The following PLCL1 variants were observed in gnomAD, a reference collection of about 807,000 sequenced individuals.
PLCL1 encodes inactive phospholipase C-like protein 1.
In PLCL1, 41 loss-of-function variants were observed where a neutral mutation model predicts 84.4. That is an observed-to-expected ratio of 0.49 (90% CI 0.38 to 0.63). PLCL1 has a LOEUF of 0.63. PLCL1 is among the 30% of genes least tolerant of loss of function. PLCL1 has a pLI of 0.00. For missense variants in PLCL1, 1,206 were observed against 1,367.8 expected, an observed-to-expected ratio of 0.88 and a Z score of 1.87; for synonymous variants, 490 against 488.3, an observed-to-expected ratio of 1.00 and a Z score of -0.05.
intron 1 of PLCL1, among the ~76,000 whole-genome samples, chr2:197,888,057 A>G (rs1361690233): frequency 6.6e-6 from 1 of 151,112 alleles, no homozygotes; most frequent in East Asian, 1.9e-4. Flanking sequence ...GTGCCACTGG[A>G]CTCTAGCCTG....
chr2:197,831,611 C>T (rs759628846), intron 1 of PLCL1, among the ~76,000 whole-genome samples: 5 of 152,072 alleles, frequency 3.3e-5, no homozygotes, highest in South Asian at 2.1e-4. Context: ...AACAGATCAA[C>T]GAGACAGAAA....
intron 1 of PLCL1, among the ~76,000 whole-genome samples, chr2:197,937,257 G>T (rs1447899619): frequency 1.3e-5 from 2 of 152,080 alleles, no homozygotes; most frequent in Non-Finnish European, 2.9e-5. Context: ...TTGCTATTTG[G>T]GGTCCTGTAA....
In PLCL1 at chr2:198,149,602, T is replaced by C. The variant is rs1282317347; in HGVS notation, c.*2640T>C. 6.6e-6 allele frequency: 1 copy of C among 152,212 alleles called. No homozygotes were observed. Among genetic ancestry groups the C allele is most frequent in the Non-Finnish European group, 1.5e-5 (1 of 68,020 alleles). 9.4% of individuals were successfully genotyped at this position (152,212 alleles called of 1,614,324 possible). On this transcript the variant is annotated 3_prime_UTR_variant, in exon 6 of 6. Coordinates refer to ENST00000428675, the MANE Select transcript of PLCL1 (RefSeq NM_006226.4). ...CAGATACAAAGAACTGTATCATTTA[T>C]TTTCTGAATATAAAATATTAATGGT...
chr2:197,831,180 AT>A (rs1233155985), intron 1 of PLCL1, among the ~76,000 whole-genome samples: 1 of 152,164 alleles, frequency 6.6e-6, no homozygotes, highest in African/African-American at 2.4e-5. Context: ...TTAACTTTAA[AT>A]TTAAATGGCC....
intron 1 of PLCL1, among the ~76,000 whole-genome samples, chr2:197,951,178 A>G (rs566614700): frequency 6.6e-6 from 1 of 152,270 alleles, no homozygotes; most frequent in South Asian, 2.1e-4. Flanking sequence ...ATGAACAAAC[A>G]TACATGTTTT....
intron 5 of PLCL1, among the ~76,000 whole-genome samples, chr2:198,106,858 GGGGGTTGAAATTTCTT>G (rs1316600151): frequency 1.3e-5 from 2 of 151,750 alleles, no homozygotes. Context: ...TGAGGCTTGT[GGGGGTTGAAATTTCTT>G]GCCTGGAGTC....
intron 1 of PLCL1, among the ~76,000 whole-genome samples, chr2:197,961,684 A>G (rs1293316704): frequency 1.3e-5 from 2 of 152,008 alleles, no homozygotes; most frequent in East Asian, 1.9e-4. Context: ...TCCTAGGGCC[A>G]TGGCAGTTAA....
intron 1 of PLCL1, among the ~76,000 whole-genome samples, chr2:197,821,173 A>G (rs1690807739): frequency 6.6e-6 from 1 of 152,102 alleles, no homozygotes; most frequent in African/African-American, 2.4e-5. Flanking sequence ...TTCAGGAAGT[A>G]TATCACTGGT....
At chr2:197,863,287 T>A (rs1687468279) in intron 1 of PLCL1, among the ~76,000 whole-genome samples, 2 of 152,074 alleles carry the variant, frequency 1.3e-5, no homozygotes, top group South Asian at 4.1e-4. Context: ...TAAAATTCAG[T>A]GTTGGACAAA....
Position 198,086,000 on chromosome 2 carries a change from T to A in PLCL1, c.2483T>A (p.Leu828Gln), listed in dbSNP as rs1692868577. 1 of 1,614,094 alleles carries A rather than the reference T, an allele frequency of 6.2e-7. No homozygotes were observed. The highest frequency in any genetic ancestry group is 8.5e-7 in the Non-Finnish European group (1 of 1,179,984). Residue 828 changes from leucine to glutamine, a missense_variant, in exon 2 of 6, where the codon CTG becomes CAG. Physicochemically the swap from Leu to Gln is moderately radical, Grantham distance 113. Coordinates refer to ENST00000428675, the MANE Select transcript of PLCL1 (RefSeq NM_006226.4). The surrounding 1 kb of genome is among the most constrained non-coding windows in gnomAD (Gnocchi z 5.3). ...CAGCCTGGATATCGGCATGTTCCCCTGCGTTCTTTTGTGGGTGACATCATG... is the reference window on the plus strand; with the variant it reads ...CAGCCTGGATATCGGCATGTTCCCCAGCGTTCTTTTGTGGGTGACATCATG... ...CLQPGYRHVP[L>Q]RSFVGDIMEH...
intron 5 of PLCL1, among the ~76,000 whole-genome samples, chr2:198,145,918 A>G (rs906682556): frequency 6.6e-6 from 1 of 152,158 alleles, no homozygotes; most frequent in Non-Finnish European, 1.5e-5. Flanking sequence ...TGCCATGAGA[A>G]TGGAGAGGAG....
intron 1 of PLCL1, among the ~76,000 whole-genome samples, chr2:197,956,740 T>C (rs1689503819): frequency 6.6e-6 from 1 of 152,192 alleles, no homozygotes; most frequent in Non-Finnish European, 1.5e-5. Flanking sequence ...TGTCTGTTCA[T>C]ATCCTTTGAC....
intron 1 of PLCL1, among the ~76,000 whole-genome samples, chr2:197,897,627 A>T (rs930909809): frequency 1.3e-5 from 2 of 152,356 alleles, no homozygotes; most frequent in East Asian, 3.9e-4. Flanking sequence ...TTATTTGTTA[A>T]TGAACATTTT....
intron 5 of PLCL1, among the ~76,000 whole-genome samples, chr2:198,130,680 G>GAGTT (rs1358930836): frequency 3.3e-5 from 5 of 152,126 alleles, no homozygotes; most frequent in Non-Finnish European, 4.4e-5. Flanking sequence ...TGACAACTCA[G>GAGTT]AGTTATCCAA....
chr2:197,844,441 G>T (rs746790489), intron 1 of PLCL1, among the ~76,000 whole-genome samples: 4 of 152,058 alleles, frequency 2.6e-5, no homozygotes, highest in Non-Finnish European at 4.4e-5. Flanking sequence ...TTTGTGTGAA[G>T]CAATAGTTTA....
intron 1 of PLCL1, among the ~76,000 whole-genome samples, chr2:197,913,848 C>T (rs1392263196): frequency 1.3e-5 from 2 of 152,048 alleles, no homozygotes; most frequent in East Asian, 3.9e-4. Flanking sequence ...TTTCTCTTTC[C>T]TTTTCATAAA....
At chr2:197,872,872 A>G (rs1184170479) in intron 1 of PLCL1, among the ~76,000 whole-genome samples, 2 of 152,162 alleles carry the variant, frequency 1.3e-5, no homozygotes, top group African/African-American at 4.8e-5. Flanking sequence ...AATAACCCAC[A>G]TTGATTAGGC....
intron 1 of PLCL1, chr2:198,071,025 A>G (rs1234759786): frequency 2.1e-6 from 2 of 935,740 alleles, no homozygotes; most frequent in Non-Finnish European, 2.5e-6. Flanking sequence ...CAGACTTGTC[A>G]TAGGTAAATG....
At chr2:198,012,579 A>G (rs1408975613) in intron 1 of PLCL1, among the ~76,000 whole-genome samples, 1 of 151,816 alleles carries the variant, frequency 6.6e-6, no homozygotes, top group Non-Finnish European at 1.5e-5. Context: ...ACTGATAGGG[A>G]AGGACTTACT....
Sources: allele counts gnomAD v4.1 joint callset (sites outside exome capture counted in the v4.1 genomes callset), GRCh38; gene constraint gnomAD v4.1.1; non-coding constraint Gnocchi (gnomAD v3.1); transcripts MANE v1.5; gene names NCBI Gene and HGNC (gene_info 2026-07-23, HGNC 2026-07-21).